The following PCDH15 variants were observed in gnomAD, a reference collection of about 807,000 sequenced individuals.
PCDH15 encodes protocadherin related 15, also known as protocadherin-15.
Under a neutral mutation model 178.5 loss-of-function variants are expected in PCDH15, and 129 were observed. The observed-to-expected ratio is 0.72, with a 90% CI of 0.63 to 0.84. The LOEUF is 0.84. PCDH15 is among the 40% of genes least tolerant of loss of function. The pLI is 0.00. For missense variants in PCDH15, 2,230 were observed against 2,099.9 expected (o/e 1.06, Z -1.21); for synonymous variants, 800 against 732.0 (o/e 1.09, Z -1.50).
At chr10:55,379,135 G>A (rs149946030) in intron 2 of PCDH15, among the ~76,000 whole-genome samples, 184 of 150,854 alleles carry the variant, frequency 1.2e-3, no homozygotes, top group African/African-American at 3.8e-3. Context: ...TATGTATGGC[G>A]CCTATTAATT....
chr10:53,854,963 T>C lies in PCDH15; in HGVS notation c.3806+2212A>G, dbSNP rs183322872. ...TACCTGATTTTTCCTATTTATATCA[T>C]CCTATCTACTTAAGAAGCATTAAAA... is the stretch of plus-strand genomic sequence containing the variant. On this transcript the variant is annotated intron_variant, in intron 28 of 37. Coordinates refer to ENST00000644397, the MANE Select transcript of PCDH15 (RefSeq NM_001384140.1). 5.4e-4 allele frequency among the ~76,000 whole-genome samples: 82 copies of C among 152,168 alleles called. 1 individual carries two copies. In the Middle Eastern group the frequency reaches 0.01, roughly 19 times the overall value.
chr10:54,557,055 C>T (rs1258681569), intron 2 of PCDH15, among the ~76,000 whole-genome samples: 1 of 152,064 alleles, frequency 6.6e-6, no homozygotes, highest in Non-Finnish European at 1.5e-5. Context: ...TTAAAGTTAT[C>T]CATAAATTTT....
chr10:54,322,753 T>C (rs567139274), intron 7 of PCDH15, among the ~76,000 whole-genome samples: 1 of 152,174 alleles, frequency 6.6e-6, no homozygotes, highest in Non-Finnish European at 1.5e-5. Context: ...CCTCAAGCTA[T>C]AAAAATCCTA....
intron 26 of PCDH15, among the ~76,000 whole-genome samples, chr10:53,896,661 G>A (rs2081972628): frequency 6.6e-6 from 1 of 152,164 alleles, no homozygotes; most frequent in Admixed American, 6.5e-5. Flanking sequence ...ACTGAGTGAA[G>A]CTTCATTTGT....
At chr10:55,216,754 T>C (rs1840714423) in intron 1 of PCDH15, among the ~76,000 whole-genome samples, 1 of 151,942 alleles carries the variant, frequency 6.6e-6, no homozygotes, top group African/African-American at 2.4e-5. Flanking sequence ...AAATTTTACC[T>C]AAGCCTGTTG....
At chr10:54,557,249 A>T (rs747190455) in intron 2 of PCDH15, among the ~76,000 whole-genome samples, 1 of 152,190 alleles carries the variant, frequency 6.6e-6, no homozygotes, top group Non-Finnish European at 1.5e-5. Context: ...TATTTTGGAC[A>T]ATGATAAGTC....
chr10:55,133,729 C>G (rs898964849), intron 2 of PCDH15, among the ~76,000 whole-genome samples: 5 of 152,120 alleles, frequency 3.3e-5, no homozygotes, highest in Admixed American at 1.3e-4. Context: ...TGGTTTTTGG[C>G]AACTTCAGTA....
chr10:53,981,462 A>C (rs1295649251), intron 21 of PCDH15, among the ~76,000 whole-genome samples: 18 of 152,234 alleles, frequency 1.2e-4, no homozygotes, highest in Admixed American at 1.2e-3. Context: ...TACTGGTACC[A>C]AAACAGAGAT....
chr10:55,396,532 T>C (rs894648183), intron 2 of PCDH15, among the ~76,000 whole-genome samples: 3 of 152,094 alleles, frequency 2.0e-5, no homozygotes, highest in African/African-American at 7.2e-5. Context: ...GTCGCTAAAA[T>C]TGAGGTCTAA....
intron 2 of PCDH15, among the ~76,000 whole-genome samples, chr10:55,416,805 C>T (rs908427065): frequency 6.6e-6 from 1 of 151,706 alleles, no homozygotes; most frequent in Non-Finnish European, 1.5e-5. Flanking sequence ...ATATAGACAT[C>T]TAAGCTAGTG....
intron 2 of PCDH15, among the ~76,000 whole-genome samples, chr10:55,529,755 A>G (rs1361351549): frequency 7.7e-6 from 1 of 130,058 alleles, no homozygotes; most frequent in African/African-American, 2.9e-5. Context: ...ATATATATAT[A>G]TATATATATA....
intron 6 of PCDH15, among the ~76,000 whole-genome samples, chr10:54,343,105 T>C (rs1225013605): frequency 6.6e-6 from 1 of 152,150 alleles, no homozygotes; most frequent in Non-Finnish European, 1.5e-5. Flanking sequence ...GAAGGCATGA[T>C]TGGTTCTGAA....
At chr10:54,791,041 C>T (rs939980168) in intron 1 of PCDH15, among the ~76,000 whole-genome samples, 9 of 151,926 alleles carry the variant, frequency 5.9e-5, no homozygotes, top group Non-Finnish European at 1.3e-4. Context: ...GACCAATTAT[C>T]TTTCAATCCT....
intron 23 of PCDH15, among the ~76,000 whole-genome samples, chr10:53,945,695 G>A (rs899121999): frequency 7.9e-5 from 12 of 151,568 alleles, no homozygotes; most frequent in Admixed American, 2.0e-4. Flanking sequence ...TGTGCCTGAT[G>A]CATTTTAGTT....
At chr10:54,228,162 A>G (rs1039951441) in intron 9 of PCDH15, among the ~76,000 whole-genome samples, 77 of 152,046 alleles carry the variant, frequency 5.1e-4, no homozygotes, top group African/African-American at 1.9e-3. Flanking sequence ...TCATTTTCAC[A>G]CAGCTGATAA....
intron 1 of PCDH15, among the ~76,000 whole-genome samples, chr10:54,773,662 G>A (rs1949350033): frequency 6.6e-6 from 1 of 152,046 alleles, no homozygotes; most frequent in African/African-American, 2.4e-5. Context: ...TAGCACTTTT[G>A]GATTCTTCCA....
At chr10:54,112,755 G>A (rs1293773736) in intron 15 of PCDH15, among the ~76,000 whole-genome samples, 1 of 152,052 alleles carries the variant, frequency 6.6e-6, no homozygotes, top group African/African-American at 2.4e-5. Flanking sequence ...AAAATTCAGA[G>A]TGAAAATCCA....
chr10:55,252,975 C>A (rs925888358), intron 1 of PCDH15, among the ~76,000 whole-genome samples: 1 of 151,900 alleles, frequency 6.6e-6, no homozygotes, highest in Non-Finnish European at 1.5e-5. Flanking sequence ...AATTTTTGTC[C>A]AATCATGTTT....
At chr10:55,291,574 A>G (rs924118000) in intron 1 of PCDH15, among the ~76,000 whole-genome samples, 2 of 152,214 alleles carry the variant, frequency 1.3e-5, no homozygotes, top group Non-Finnish European at 2.9e-5. Flanking sequence ...TTTTTGACCA[A>G]TAGCAGATGT....
Sources: gnomAD v4.1 joint callset for allele counts (sites outside exome capture counted in the v4.1 genomes callset) on GRCh38, gnomAD v4.1.1 for gene constraint, MANE v1.5 for transcripts, NCBI Gene and HGNC (gene_info 2026-07-23, HGNC 2026-07-21) for gene names.